Variants in PRKG1 observed in about 807,000 individuals in gnomAD.
PRKG1 encodes protein kinase cGMP-dependent 1.
Under a neutral mutation model 88.1 loss-of-function variants are expected in PRKG1, and 35 were observed. The observed-to-expected ratio is 0.40, with a 90% CI of 0.30 to 0.53. PRKG1 has a LOEUF of 0.53. Among genes scored for constraint, PRKG1 ranks in the 20% least tolerant of loss-of-function variants. The probability of loss-of-function intolerance (pLI) is 0.59; values close to 1 mark genes in which losing one functional copy is unlikely to be tolerated. For missense variants in PRKG1, 540 were observed against 839.8 expected, an observed-to-expected ratio of 0.64 and a Z score of 4.41; for synonymous variants, 303 against 292.5, an observed-to-expected ratio of 1.04 and a Z score of -0.37.
chr10:51,113,875 C>CA (rs1159629555), intron 1 of PRKG1, among the ~76,000 whole-genome samples: 8 of 151,666 alleles, frequency 5.3e-5, no homozygotes, highest in African/African-American at 1.9e-4. Flanking sequence ...GCTTCACACT[C>CA]AGAACATGAG....
chr10:51,387,398 AG>A (rs1268679739), intron 2 of PRKG1, among the ~76,000 whole-genome samples: 3 of 151,180 alleles, frequency 2.0e-5, no homozygotes, highest in Non-Finnish European at 4.4e-5. Flanking sequence ...TATTTAAAGA[AG>A]GGGCCCTGCA....
At chr10:51,891,634 T>G (rs1841724297) in intron 4 of PRKG1, among the ~76,000 whole-genome samples, 1 of 152,202 alleles carries the variant, frequency 6.6e-6, no homozygotes, top group Non-Finnish European at 1.5e-5. Context: ...AATAGGAGCC[T>G]AGGACTGCGG....
intron 3 of PRKG1, among the ~76,000 whole-genome samples, chr10:51,589,111 G>A (rs543932165): frequency 2.6e-4 from 40 of 151,988 alleles, no homozygotes; most frequent in Non-Finnish European, 5.6e-4. Context: ...GTAATATTTT[G>A]TTGCTGAGTT....
chr10:51,486,643 C>T (rs1356324231), intron 3 of PRKG1, among the ~76,000 whole-genome samples: 1 of 152,028 alleles, frequency 6.6e-6, no homozygotes, highest in South Asian at 2.1e-4. Context: ...ATCTTCCATT[C>T]CGTACTATTT....
intron 5 of PRKG1, among the ~76,000 whole-genome samples, chr10:52,047,835 C>A (rs1845899759): frequency 6.6e-6 from 1 of 152,056 alleles, no homozygotes; most frequent in Non-Finnish European, 1.5e-5. Flanking sequence ...AAATAATGTT[C>A]TTCATCTTAA....
intron 3 of PRKG1, among the ~76,000 whole-genome samples, chr10:51,661,690 A>G (rs1321181217): frequency 1.3e-5 from 2 of 152,214 alleles, no homozygotes; most frequent in Non-Finnish European, 2.9e-5. Context: ...AAGGATCTAG[A>G]ACTAGAAATA....
intron 5 of PRKG1, among the ~76,000 whole-genome samples, chr10:52,021,481 C>G (rs1336952997): frequency 6.6e-6 from 1 of 152,112 alleles, no homozygotes; most frequent in Non-Finnish European, 1.5e-5. Context: ...TAAGGTAGAT[C>G]TCTATGTGCT....
At chr10:51,048,317 T>C (rs181395351) in intron 1 of PRKG1, among the ~76,000 whole-genome samples, 13 of 152,054 alleles carry the variant, frequency 8.5e-5, no homozygotes, top group African/African-American at 3.1e-4. Context: ...TCTCCCCCTT[T>C]CTCCCTCCCT....
intron 8 of PRKG1, among the ~76,000 whole-genome samples, chr10:52,158,136 A>G (rs1018352783): frequency 2.0e-5 from 3 of 151,754 alleles, no homozygotes; most frequent in East Asian, 3.8e-4. Context: ...TTATTTTACA[A>G]TGTTAAAATG....
At chr10:51,203,021 G>A (rs972704492) in intron 2 of PRKG1, among the ~76,000 whole-genome samples, 5 of 152,102 alleles carry the variant, frequency 3.3e-5, no homozygotes, top group Non-Finnish European at 7.4e-5. Context: ...TGATGTCAAC[G>A]GGGTGAGATA....
At chr10:52,230,504 A>T (rs1238196879) in intron 9 of PRKG1, among the ~76,000 whole-genome samples, 3 of 152,240 alleles carry the variant, frequency 2.0e-5, no homozygotes, top group Admixed American at 2.0e-4. Flanking sequence ...GTTGAAGAAA[A>T]CTGAGGCAGA....
At chr10:51,634,149 G>A (rs1237820063) in intron 3 of PRKG1, among the ~76,000 whole-genome samples, 1 of 152,130 alleles carries the variant, frequency 6.6e-6, no homozygotes, top group Admixed American at 6.6e-5. Flanking sequence ...ACAAAGCTCT[G>A]TGACAGTAAT....
chr10:52,206,730 G>A (rs1002294200), intron 9 of PRKG1, among the ~76,000 whole-genome samples: 1 of 152,204 alleles, frequency 6.6e-6, no homozygotes. Context: ...AATGCTAGAG[G>A]GCTGGTACTG....
intron 3 of PRKG1, among the ~76,000 whole-genome samples, chr10:51,630,034 G>A (rs778859240): frequency 3.3e-5 from 5 of 152,166 alleles, no homozygotes; most frequent in South Asian, 2.1e-4. Context: ...GACAGATTGA[G>A]TTAGTTGAGC....
intron 3 of PRKG1, among the ~76,000 whole-genome samples, chr10:51,554,104 G>T (rs1837233499): frequency 7.2e-6 from 1 of 138,444 alleles, no homozygotes; most frequent in Admixed American, 7.2e-5. Flanking sequence ...TATATTATAT[G>T]TGCGTATGTG....
intron 5 of PRKG1, among the ~76,000 whole-genome samples, chr10:51,983,152 G>A (rs983427911): frequency 1.3e-5 from 2 of 152,166 alleles, no homozygotes; most frequent in African/African-American, 4.8e-5. Context: ...GGCAAGGGTG[G>A]GGCACTGGCA....
intron 5 of PRKG1, among the ~76,000 whole-genome samples, chr10:51,949,446 C>G (rs1435503986): frequency 6.7e-6 from 1 of 150,346 alleles, no homozygotes; most frequent in African/African-American, 2.5e-5. Flanking sequence ...GACCTCATGT[C>G]TATAAATAAA....
At chr10:51,393,724 C>T (rs2132654027) in intron 2 of PRKG1, among the ~76,000 whole-genome samples, 1 of 152,214 alleles carries the variant, frequency 6.6e-6, no homozygotes, top group South Asian at 2.1e-4. Context: ...GAGAGCAGTG[C>T]TACTATCACG....
intron 4 of PRKG1, among the ~76,000 whole-genome samples, chr10:51,828,495 C>T (rs1286282411): frequency 1.3e-5 from 2 of 152,062 alleles, no homozygotes; most frequent in Non-Finnish European, 2.9e-5. Context: ...AGGGCTTTTA[C>T]ATTAGAGAAG....
Sources: gnomAD v4.1 joint callset for allele counts (sites outside exome capture counted in the v4.1 genomes callset) on GRCh38, gnomAD v4.1.1 for gene constraint, MANE v1.5 for transcripts, NCBI Gene and HGNC (gene_info 2026-07-23, HGNC 2026-07-21) for gene names.